Variants in CADM2 observed in about 807,000 individuals in gnomAD.
CADM2 encodes the protein cell adhesion molecule 2.
CADM2 carries 12 observed loss-of-function variants against 49.8 expected under a neutral mutation model. That is an observed-to-expected ratio of 0.24 (90% CI 0.15 to 0.39). The LOEUF is 0.39. Among genes scored for constraint, CADM2 ranks in the 10% least tolerant of loss-of-function variants. The pLI, the probability that CADM2 is intolerant of heterozygous loss-of-function variation, is 1.00. For synonymous variants in CADM2, 214 were observed against 175.4 expected (o/e 1.22, Z -1.74); for missense variants, 378 against 492.3 (o/e 0.77, Z 2.20).
intron 1 of CADM2, among the ~76,000 whole-genome samples, chr3:85,165,540 T>C (rs550117462): frequency 6.6e-6 from 1 of 152,008 alleles, no homozygotes; most frequent in African/African-American, 2.4e-5. Context: ...ATTTTTAATA[T>C]GTGTTTTTTC....
chr3:85,201,934 C>T (rs1007117962), intron 1 of CADM2, among the ~76,000 whole-genome samples: 2 of 151,622 alleles, frequency 1.3e-5, no homozygotes, highest in Admixed American at 6.6e-5. Context: ...TACAAAAATT[C>T]GTTGGGCTTG....
chr3:84,959,436 C>G lies in CADM2; in HGVS notation c.-172C>G, dbSNP rs1347926637. The G allele has an allele frequency of 1.6e-6, 1 of 606,108 alleles. No homozygotes were observed. Among genetic ancestry groups the G allele is most frequent in the African/African-American group, 1.9e-5 (1 of 53,114 alleles). The allele number at this position is 606,108 out of a possible 1,614,324, so 37.5% of individuals were successfully genotyped here. The stretch of plus-strand genomic sequence containing the variant: ...CATTCTGCGGGTGCTTTGCCGCTGC[C>G]GCTTCTGCTGCCGCCGATCCGAGTC... On this transcript the variant is annotated 5_prime_UTR_variant, in exon 1 of 10. Coordinates refer to ENST00000383699, the MANE Select transcript of CADM2 (RefSeq NM_001167675.2).
intron 5 of CADM2, among the ~76,000 whole-genome samples, chr3:85,907,137 C>T (rs941203071): frequency 6.6e-6 from 1 of 152,146 alleles, no homozygotes; most frequent in Non-Finnish European, 1.5e-5. Flanking sequence ...TCATGTAATG[C>T]GTATATTTTC....
intron 3 of CADM2, among the ~76,000 whole-genome samples, chr3:85,813,227 T>C (rs1468033706): frequency 1.3e-5 from 2 of 152,224 alleles, no homozygotes; most frequent in Non-Finnish European, 2.9e-5. Flanking sequence ...TTCTGACTTT[T>C]GAATGATTGC....
At chr3:85,019,590 G>A (rs1230884744) in intron 1 of CADM2, among the ~76,000 whole-genome samples, 1 of 152,162 alleles carries the variant, frequency 6.6e-6, no homozygotes, top group Non-Finnish European at 1.5e-5. Context: ...GCATGCCACA[G>A]GCTTGAATAA....
At chr3:85,999,146 C>T (rs1010871331) in intron 8 of CADM2, among the ~76,000 whole-genome samples, 7 of 151,888 alleles carry the variant, frequency 4.6e-5, no homozygotes, top group African/African-American at 1.7e-4. Flanking sequence ...TTAGCAATTA[C>T]AGCAAGACTC....
intron 1 of CADM2, among the ~76,000 whole-genome samples, chr3:85,148,850 C>T (rs538821915): frequency 6.6e-6 from 1 of 151,934 alleles, no homozygotes; most frequent in East Asian, 1.9e-4. Context: ...TTATCCTTGT[C>T]GACTTTATGT....
chr3:85,553,397 T>C (rs1056702463), intron 1 of CADM2, among the ~76,000 whole-genome samples: 27 of 152,326 alleles, frequency 1.8e-4, no homozygotes, highest in African/African-American at 6.5e-4. Context: ...GATACATAAT[T>C]GCTAACTTCT....
intron 2 of CADM2, among the ~76,000 whole-genome samples, chr3:85,784,752 G>T (rs114869629): frequency 0.013 from 2,024 of 152,192 alleles, 19 homozygotes; most frequent in Non-Finnish European, 0.022. Flanking sequence ...TTTTGCCTTT[G>T]TGTGTGTGTT....
chr3:85,034,343 T>C (rs745372703), intron 1 of CADM2, among the ~76,000 whole-genome samples: 2 of 152,174 alleles, frequency 1.3e-5, no homozygotes, highest in Non-Finnish European at 2.9e-5. Flanking sequence ...CCCCAAAGTA[T>C]GTGAGAACAT....
intron 1 of CADM2, among the ~76,000 whole-genome samples, chr3:85,409,334 A>T (rs9830849): frequency 1.1e-3 from 165 of 152,224 alleles, no homozygotes; most frequent in African/African-American, 3.9e-3. Flanking sequence ...ATATTATGAG[A>T]TTATATTTAG....
At chr3:85,589,305 C>T (rs982490411) in intron 1 of CADM2, among the ~76,000 whole-genome samples, 5 of 151,932 alleles carry the variant, frequency 3.3e-5, no homozygotes, top group African/African-American at 1.2e-4. Context: ...AGTTTCTGAC[C>T]CTAAAACCTC....
At chr3:85,050,139 T>G (rs944782843) in intron 1 of CADM2, among the ~76,000 whole-genome samples, 8 of 152,088 alleles carry the variant, frequency 5.3e-5, no homozygotes, top group Non-Finnish European at 1.2e-4. Flanking sequence ...TATGTATTAG[T>G]GAACATTGCT....
At chr3:85,752,662 G>A (rs72914844) in intron 2 of CADM2, among the ~76,000 whole-genome samples, 6,001 of 152,082 alleles carry the variant, frequency 0.039, 374 homozygotes, top group African/African-American at 0.14. Flanking sequence ...CTGTCTCATT[G>A]TCTAGTAAGT....
intron 3 of CADM2, among the ~76,000 whole-genome samples, chr3:85,845,114 C>A (rs2074817347): frequency 6.8e-6 from 1 of 148,144 alleles, no homozygotes. Flanking sequence ...CATGATTGAG[C>A]CACTGCACTT....
intron 3 of CADM2, among the ~76,000 whole-genome samples, chr3:85,827,713 T>G (rs758280202): frequency 1.3e-5 from 2 of 152,008 alleles, no homozygotes; most frequent in Admixed American, 6.6e-5. Context: ...TTCATATAAG[T>G]CTTTAGAAAG....
chr3:85,907,701 A>G (rs1716987785), intron 5 of CADM2, among the ~76,000 whole-genome samples: 1 of 152,166 alleles, frequency 6.6e-6, no homozygotes, highest in Non-Finnish European at 1.5e-5. Flanking sequence ...ACCTGAGGTC[A>G]GGAGTTCGAG....
chr3:85,170,659 C>A (rs1472419947), intron 1 of CADM2, among the ~76,000 whole-genome samples: 1 of 152,120 alleles, frequency 6.6e-6, no homozygotes, highest in Non-Finnish European at 1.5e-5. Flanking sequence ...AAATAAAATT[C>A]TTCATGGCTT....
At chr3:85,108,947 C>T (rs180773919) in intron 1 of CADM2, among the ~76,000 whole-genome samples, 1 of 152,036 alleles carries the variant, frequency 6.6e-6, no homozygotes, top group Admixed American at 6.6e-5. Flanking sequence ...TTAACTAAAA[C>T]CCTAAATAAG....
Sources: allele counts gnomAD v4.1 joint callset (sites outside exome capture counted in the v4.1 genomes callset), GRCh38; gene constraint gnomAD v4.1.1; transcripts MANE v1.5; gene names NCBI Gene and HGNC (gene_info 2026-07-23, HGNC 2026-07-21).